LINGO1: variants seen among roughly 807,000 people sequenced by gnomAD.
LINGO1 encodes leucine rich repeat and Ig domain containing 1, also known as leucine-rich repeat and immunoglobulin-like domain-containing nogo receptor-interacting protein 1.
Under a neutral mutation model 37.3 loss-of-function variants are expected in LINGO1, and 11 were observed. The observed-to-expected ratio is 0.29, with a 90% CI of 0.19 to 0.49. The LOEUF (loss-of-function observed/expected upper bound fraction) is 0.49. LINGO1 is among the 20% of genes least tolerant of loss of function. LINGO1 has a pLI of 0.99. For missense variants in LINGO1, 585 were observed against 878.2 expected (o/e 0.67, Z 4.22); for synonymous variants, 387 against 403.0 (o/e 0.96, Z 0.48).
chr15:77,665,376 T>A (rs2075107543), intron 3 of LINGO1, among the ~76,000 whole-genome samples: 1 of 152,080 alleles, frequency 6.6e-6, no homozygotes, highest in Non-Finnish European at 1.5e-5. Flanking sequence ...GACCCCAACA[T>A]CCTGCTAGAG....
intron 2 of LINGO1, among the ~76,000 whole-genome samples, chr15:77,689,128 C>G (rs761005185): frequency 6.6e-6 from 1 of 152,120 alleles, no homozygotes; most frequent in Non-Finnish European, 1.5e-5. Flanking sequence ...CAACAGGAAC[C>G]GCAGGTGAAG....
At chr15:77,754,644 G>C (rs962627245) in intron 1 of LINGO1, among the ~76,000 whole-genome samples, 3 of 152,224 alleles carry the variant, frequency 2.0e-5, no homozygotes, top group Non-Finnish European at 4.4e-5. Context: ...CTGTGCTGGG[G>C]GTTCTGGGGG....
In LINGO1 at chr15:77,614,554, G is replaced by T. The variant is rs1251287450; in HGVS notation, c.1353C>A (p.Asp451Glu). 1.2e-6 allele frequency: 2 copies of T among 1,610,282 alleles called. No homozygotes were observed. Among genetic ancestry groups the T allele is most frequent in the East Asian group, 4.5e-5 (2 of 44,802 alleles). ...AGAGCCAGAGGATGGCGGGCGGCGG[G>T]TCGCCATCGGCCCGGCACACAAACT... ...TVQFVCRADG[D>E]PPPAILWLSP... Residue 451 changes from aspartate to glutamate, a missense_variant, in exon 2 of 2, where the codon GAC becomes GAA. Physicochemically the swap from Asp to Glu is conservative, Grantham distance 45 (BLOSUM62 2). This residue lies in a region of LINGO1 where 484 missense variants were observed against 735.0 expected (regional missense o/e 0.66). Transcript: ENST00000355300.
chr15:77,622,976 C>T (rs1395918119), intron 1 of LINGO1, among the ~76,000 whole-genome samples: 1 of 152,210 alleles, frequency 6.6e-6, no homozygotes, highest in East Asian at 1.9e-4. Context: ...ACTTCTGCGG[C>T]CTCCTCTCCT....
chr15:77,738,157 C>T (rs1463148013), intron 1 of LINGO1, among the ~76,000 whole-genome samples: 2 of 152,178 alleles, frequency 1.3e-5, no homozygotes, highest in Non-Finnish European at 2.9e-5. Context: ...CTGACTGCTT[C>T]CCCCAGCTCC....
chr15:77,815,616 G>C (rs993209987), intron 1 of LINGO1, among the ~76,000 whole-genome samples: 28 of 152,092 alleles, frequency 1.8e-4, no homozygotes, highest in African/African-American at 6.0e-4. Flanking sequence ...GCCAGTATTG[G>C]AGGCTGCATC....
At chr15:77,687,002 G>A (rs562583623) in intron 2 of LINGO1, among the ~76,000 whole-genome samples, 5 of 152,288 alleles carry the variant, frequency 3.3e-5, no homozygotes, top group East Asian at 3.9e-4. Context: ...TGGACAAACA[G>A]GGCCATTTAC....
At chr15:77,715,873 G>A (rs971130850) in intron 2 of LINGO1, among the ~76,000 whole-genome samples, 5 of 152,194 alleles carry the variant, frequency 3.3e-5, no homozygotes, top group South Asian at 2.1e-4. Flanking sequence ...TCTGAAGGGG[G>A]CTGGGCTCCT....
At chr15:77,754,842 C>T (rs934586523) in intron 1 of LINGO1, among the ~76,000 whole-genome samples, 5 of 152,250 alleles carry the variant, frequency 3.3e-5, no homozygotes, top group Non-Finnish European at 5.9e-5. Flanking sequence ...GCTCTGCCCT[C>T]AGTCACTGAG....
chr15:77,740,358 T>A (rs1040737271), intron 1 of LINGO1, among the ~76,000 whole-genome samples: 1 of 152,146 alleles, frequency 6.6e-6, no homozygotes, highest in Admixed American at 6.5e-5. Flanking sequence ...CCCAAATTAC[T>A]TACCTGGCAT....
chr15:77,647,862 T>C, intron 3 of LINGO1: 1 of 456,654 alleles, frequency 2.2e-6, no homozygotes, highest in South Asian at 1.5e-5. Flanking sequence ...AGGGAACAGC[T>C]GGGCTGCTGG....
chr15:77,785,065 C>G (rs2076758030), intron 1 of LINGO1: 1 of 152,296 alleles, frequency 6.6e-6, no homozygotes, highest in Non-Finnish European at 1.5e-5. Flanking sequence ...GCAGGCCAGT[C>G]ATTTGCCTCT....
At chr15:77,671,892 G>A (rs1223348881) in intron 3 of LINGO1, among the ~76,000 whole-genome samples, 1 of 152,206 alleles carries the variant, frequency 6.6e-6, no homozygotes, top group Non-Finnish European at 1.5e-5. Flanking sequence ...GTCTGTGGGT[G>A]TCAGAGACAG....
At chr15:77,760,506 A>G (rs2076464427) in intron 1 of LINGO1, among the ~76,000 whole-genome samples, 1 of 152,242 alleles carries the variant, frequency 6.6e-6, no homozygotes, top group Admixed American at 6.5e-5. Context: ...CTCTTGGAAA[A>G]GTTGAATCTG....
At chr15:77,665,256 G>A (rs1258543905) in intron 3 of LINGO1, among the ~76,000 whole-genome samples, 1 of 152,190 alleles carries the variant, frequency 6.6e-6, no homozygotes, top group Non-Finnish European at 1.5e-5. Context: ...CCTTCTGGTG[G>A]GCTCTGTGTC....
At chr15:77,621,612 G>A (rs1054295936) in intron 1 of LINGO1, among the ~76,000 whole-genome samples, 34 of 152,260 alleles carry the variant, frequency 2.2e-4, no homozygotes, top group African/African-American at 7.2e-4. Flanking sequence ...CTAGGGTGAG[G>A]CCCCAGGGCT....
At chr15:77,699,493 ATC>A (rs1414382514), upstream of LINGO1, among the ~76,000 whole-genome samples, 2 of 7,562 alleles carry the variant, frequency 2.6e-4, no homozygotes, top group Non-Finnish European at 5.6e-4. Context: ...ACTAACCATC[ATC>A]TCCACACACA....
At chr15:77,709,907 G>A (rs1327494823) in intron 2 of LINGO1, among the ~76,000 whole-genome samples, 3 of 152,228 alleles carry the variant, frequency 2.0e-5, no homozygotes, top group Admixed American at 6.5e-5. Context: ...AGACCACCCA[G>A]TGAGACCCCA....
chr15:77,809,544 C>T (rs888920343), intron 1 of LINGO1, among the ~76,000 whole-genome samples: 19 of 152,298 alleles, frequency 1.2e-4, no homozygotes, highest in Admixed American at 5.9e-4. Context: ...GGCTATGCCC[C>T]GCCCCGACCC....
Sources: allele counts gnomAD v4.1 joint callset (sites outside exome capture counted in the v4.1 genomes callset), GRCh38; gene constraint gnomAD v4.1.1; regional missense constraint gnomAD v4.1.1; transcripts MANE v1.5; gene names NCBI Gene and HGNC (gene_info 2026-07-23, HGNC 2026-07-21).